Variants in ABLIM1 observed in about 807,000 individuals in gnomAD.
The protein encoded by ABLIM1 is actin-binding LIM protein 1.
A neutral mutation model predicts 107.0 loss-of-function variants in ABLIM1; 40 were observed. The ratio of observed to expected loss-of-function variants is 0.37; its 90% CI spans 0.29 to 0.49. The LOEUF is 0.49. Among genes scored for constraint, ABLIM1 ranks in the 20% least tolerant of loss-of-function variants. ABLIM1 has a pLI of 0.97. For synonymous variants in ABLIM1, 357 were observed against 357.3 expected, an observed-to-expected ratio of 1.00 and a Z score of 0.01; for missense variants, 857 against 1,008.5, an observed-to-expected ratio of 0.85 and a Z score of 2.04.
intron 12 of ABLIM1, among the ~76,000 whole-genome samples, chr10:114,458,469 T>C (rs1001638019): frequency 2.0e-5 from 3 of 152,156 alleles, no homozygotes; most frequent in African/African-American, 7.2e-5. Context: ...GGGTGTGCGA[T>C]TCTGCTGTGG....
At chr10:114,789,978 A>G in the ABLIM1 span, among the ~76,000 whole-genome samples, 1 of 152,130 alleles carries the variant, frequency 6.6e-6, no homozygotes, top group Non-Finnish European at 1.5e-5. Flanking sequence ...TTTTTAGTAG[A>G]GATGGCGTTT....
intron 6 of ABLIM1, among the ~76,000 whole-genome samples, chr10:114,514,467 G>A (rs774138311): frequency 5.1e-4 from 78 of 151,982 alleles, no homozygotes; most frequent in East Asian, 1.9e-4. Flanking sequence ...TCGACCACCC[G>A]GGCTCAGTGA....
At chr10:114,787,620 AGGTGAGGGGT>A in the ABLIM1 span, among the ~76,000 whole-genome samples, 1 of 134,794 alleles carries the variant, frequency 7.4e-6, no homozygotes, top group Non-Finnish European at 1.6e-5. Context: ...CCCGTCCGGG[AGGTGAGGGGT>A]GCCTCTGCCC....
chr10:114,461,921 G>A (rs74158008), intron 12 of ABLIM1, among the ~76,000 whole-genome samples: 4,434 of 152,188 alleles, frequency 0.029, 228 homozygotes, highest in African/African-American at 0.1. Context: ...CAAATGGCAC[G>A]TGTACCTTAA....
intron 1 of ABLIM1, among the ~76,000 whole-genome samples, chr10:114,607,351 C>T (rs2076490568): frequency 6.6e-6 from 1 of 152,192 alleles, no homozygotes; most frequent in Non-Finnish European, 1.5e-5. Flanking sequence ...TGAGCCACCG[C>T]GCCCGGCCTC....
chr10:114,671,935 T>G (rs2080273741), intron 1 of ABLIM1, among the ~76,000 whole-genome samples: 1 of 152,174 alleles, frequency 6.6e-6, no homozygotes, highest in Non-Finnish European at 1.5e-5. Flanking sequence ...CGATCATAGC[T>G]CAATGCAGCC....
chr10:114,744,046 C>T (rs1272608721), intron 1 of ABLIM1, among the ~76,000 whole-genome samples: 5 of 152,220 alleles, frequency 3.3e-5, no homozygotes, highest in Admixed American at 6.5e-5. Context: ...TCTTGGGAGA[C>T]CATGAGATGT....
At chr10:114,702,525 C>CTTTT (rs11374796) in intron 1 of ABLIM1, among the ~76,000 whole-genome samples, 6 of 129,586 alleles carry the variant, frequency 4.6e-5, no homozygotes, top group East Asian at 2.1e-4. Flanking sequence ...AGTAAGAACA[C>CTTTT]TTTTTTTTTT....
At position 114,750,473 on chromosome 10, in the gene ABLIM1, G is replaced by C. The variant is rs1011381782; in HGVS notation, c.-213+17588C>G. Among the ~76,000 whole-genome samples, 3 of 152,300 alleles carry C rather than the reference G, an allele frequency of 2.0e-5. No homozygotes were observed. In the East Asian group the frequency reaches 5.8e-4, roughly 29 times the overall value. On this transcript the variant is annotated intron_variant, in intron 1 of 15. Coordinates refer to the ABLIM1 transcript ENST00000651092. ...TAAGGACAGCTTAGGAAAGTAAAAA[G>C]GTTGTTGATAATATTCTCAACTGGG...
chr10:114,545,200 A>G (rs2137527631), intron 5 of ABLIM1, 102 bp from the exon 6 acceptor site: 3 of 1,012,332 alleles, frequency 3.0e-6, no homozygotes, highest in East Asian at 2.4e-5. Flanking sequence ...AGGGCAGGAC[A>G]TATTTCTCCC....
chr10:114,579,356 C>A (rs2073073002), intron 2 of ABLIM1, among the ~76,000 whole-genome samples: 1 of 152,174 alleles, frequency 6.6e-6, no homozygotes, highest in Admixed American at 6.5e-5. Context: ...CTCTACGTTG[C>A]AGACATTGAT....
chr10:114,617,817 T>A (rs552452774), intron 1 of ABLIM1, among the ~76,000 whole-genome samples: 58 of 152,266 alleles, frequency 3.8e-4, no homozygotes, highest in Non-Finnish European at 6.2e-4. Context: ...ATTTATTTTT[T>A]ATCAAAGTTT....
At chr10:114,447,466 C>T (rs895365281) in intron 15 of ABLIM1, among the ~76,000 whole-genome samples, 5 of 152,162 alleles carry the variant, frequency 3.3e-5, no homozygotes, top group African/African-American at 1.2e-4. Flanking sequence ...TAGTCTAAAA[C>T]AAATTTAACT....
intron 1 of ABLIM1, among the ~76,000 whole-genome samples, chr10:114,606,475 C>A (rs2076419527): frequency 6.6e-6 from 1 of 152,118 alleles, no homozygotes; most frequent in South Asian, 2.1e-4. Context: ...ACCTTGTGAT[C>A]CGCCCGCCGT....
At chr10:114,566,196 A>C (rs1259229038) in intron 4 of ABLIM1, among the ~76,000 whole-genome samples, 1 of 152,186 alleles carries the variant, frequency 6.6e-6, no homozygotes, top group Non-Finnish European at 1.5e-5. Context: ...GAGGGAAAAG[A>C]GAAAGATGAG....
rs118166921 is a variant in ABLIM1, at chr10:114,456,807, G to A, written c.1442-3324C>T. The stretch of plus-strand genomic sequence containing the variant: ...TTGAATATGGTCAAAGCCTCTCAAA[G>A]GTTATGGAGTAGCTGTCTGAATTCC... On this transcript the variant is annotated intron_variant, in intron 12 of 22. Transcript: ENST00000533213. Among the ~76,000 whole-genome samples, 1,095 of 152,268 alleles carry A rather than the reference G, an allele frequency of 7.2e-3. 10 individuals carry two copies. The highest frequency in any genetic ancestry group is 0.02 in the Middle Eastern group (6 of 294).
chr10:114,737,342 G>A (rs897793438), intron 1 of ABLIM1, among the ~76,000 whole-genome samples: 2 of 152,238 alleles, frequency 1.3e-5, no homozygotes, highest in South Asian at 4.1e-4. Context: ...AACAAACAAA[G>A]AATTTTGGAG....
chr10:114,522,903 C>T (rs2063976746), intron 6 of ABLIM1, among the ~76,000 whole-genome samples: 1 of 152,194 alleles, frequency 6.6e-6, no homozygotes. Context: ...GTAATCCCAG[C>T]ACTTTGGGAG....
At chr10:114,526,872 G>A (rs1430708440) in intron 6 of ABLIM1, 3 of 985,332 alleles carry the variant, frequency 3.0e-6, no homozygotes, top group African/African-American at 3.5e-5. Flanking sequence ...GACGCACTCC[G>A]GAAACCAGCC....
Sources: allele counts gnomAD v4.1 joint callset (sites outside exome capture counted in the v4.1 genomes callset), GRCh38; gene constraint gnomAD v4.1.1; transcripts MANE v1.5; gene names NCBI Gene and HGNC (gene_info 2026-07-23, HGNC 2026-07-21).